Variants in CDH20 observed in about 807,000 individuals in gnomAD.
CDH20 encodes the protein cadherin 20, also known as cadherin-20.
In CDH20, 29 loss-of-function variants were observed where a neutral mutation model predicts 74.2. The observed-to-expected ratio is 0.39, with a 90% CI of 0.29 to 0.53. The LOEUF is 0.53. Ranked by LOEUF, CDH20 falls within the 20% of genes least tolerant of loss-of-function variation. The pLI is 0.69. For missense variants in CDH20, 988 were observed against 1,048.3 expected (o/e 0.94, Z 0.79); for synonymous variants, 469 against 405.4 (o/e 1.16, Z -1.88).
intron 11 of CDH20, among the ~76,000 whole-genome samples, chr18:61,552,905 C>T (rs1047331642): frequency 9.8e-5 from 15 of 152,312 alleles, no homozygotes; most frequent in African/African-American, 3.1e-4. Context: ...TTCAAGCCCA[C>T]GCTTCCTTAG....
rs112902363 is a variant in CDH20, at chr18:61,429,372, A to C, written c.-152-61030A>C. Among the ~76,000 whole-genome samples the C allele has an allele frequency of 1.8e-4, 27 of 152,276 alleles. 1 individual carries two copies. The highest frequency in any genetic ancestry group is 5.5e-4 in the African/African-American group (23 of 41,558). Reference sequence around the variant, plus strand: ...TTCTTAGAGTTGCATTTCCTCTCACAGTTGTTCCAACTTGACTAAAAGTTG... The same window carrying C: ...TTCTTAGAGTTGCATTTCCTCTCACCGTTGTTCCAACTTGACTAAAAGTTG... On this transcript the variant is annotated intron_variant, in intron 1 of 11. Coordinates refer to ENST00000262717, the MANE Select transcript of CDH20 (RefSeq NM_031891.4).
chr18:61,504,819 CAGG>C (rs976522741), intron 5 of CDH20, among the ~76,000 whole-genome samples: 17 of 152,148 alleles, frequency 1.1e-4, no homozygotes, highest in African/African-American at 3.6e-4. Context: ...TATGTAAACA[CAGG>C]AGATCTCAAA....
At chr18:61,366,815 T>C (rs890411552) in intron 1 of CDH20, among the ~76,000 whole-genome samples, 3 of 152,086 alleles carry the variant, frequency 2.0e-5, no homozygotes, top group Admixed American at 1.3e-4. Context: ...TGTAAAAAAA[T>C]CTCTTCCTGC....
chr18:61,424,143 C>T (rs1912986319), intron 1 of CDH20, among the ~76,000 whole-genome samples: 2 of 152,200 alleles, frequency 1.3e-5, no homozygotes, highest in Non-Finnish European at 2.9e-5. Flanking sequence ...TTGATACATG[C>T]ATATGATGTG....
chr18:61,373,199 AG>A (rs1911102764), intron 1 of CDH20, among the ~76,000 whole-genome samples: 1 of 151,954 alleles, frequency 6.6e-6, no homozygotes, highest in Non-Finnish European at 1.5e-5. Context: ...TGTAATTCTA[AG>A]GCAGGATTTT....
chr18:61,538,187 G>A (rs531907498), intron 8 of CDH20, among the ~76,000 whole-genome samples: 30 of 152,238 alleles, frequency 2.0e-4, no homozygotes, highest in Admixed American at 7.2e-4. Flanking sequence ...TGAATAACTC[G>A]AAACCTTTGC....
In CDH20 at chr18:61,438,301, G is replaced by A. The variant is rs190280101; in HGVS notation, c.-152-52101G>A. On this transcript the variant is annotated intron_variant, in intron 1 of 11. Transcript: ENST00000262717. ...TCTGGCATCATGTGTGCTTGGGTAT[G>A]TGGGTGGTGACAGGAAAAAGAGAGG... Among the ~76,000 whole-genome samples the A allele has an allele frequency of 6.0e-4, 92 of 152,280 alleles. No individual in the cohort carries two copies. The East Asian group carries it at 0.014, about 23-fold the overall frequency.
intron 6 of CDH20, among the ~76,000 whole-genome samples, chr18:61,521,154 T>C (rs1014614474): frequency 6.7e-6 from 1 of 150,020 alleles, no homozygotes; most frequent in African/African-American, 2.5e-5. Context: ...TTTGAAAAGA[T>C]TAACAAAATA....
chr18:61,414,120 G>A (rs1398418477), intron 1 of CDH20, among the ~76,000 whole-genome samples: 4 of 152,018 alleles, frequency 2.6e-5, no homozygotes, highest in Non-Finnish European at 5.9e-5. Flanking sequence ...TCCCTCCATC[G>A]TATTTTAGAA....
intron 10 of CDH20, among the ~76,000 whole-genome samples, chr18:61,547,836 T>C (rs1913305979): frequency 6.6e-6 from 1 of 152,120 alleles, no homozygotes; most frequent in Non-Finnish European, 1.5e-5. Context: ...GTGGCTACTA[T>C]ATGCCAGGCC....
chr18:61,393,310 A>C (rs1488763640), intron 1 of CDH20, among the ~76,000 whole-genome samples: 1 of 152,174 alleles, frequency 6.6e-6, no homozygotes, highest in African/African-American at 2.4e-5. Flanking sequence ...TAGGAAACTC[A>C]GAACAGACAT....
intron 1 of CDH20, among the ~76,000 whole-genome samples, chr18:61,397,898 AG>A (rs756115555): frequency 3.9e-5 from 6 of 152,244 alleles, no homozygotes; most frequent in Non-Finnish European, 8.8e-5. Flanking sequence ...TTTAGCACTT[AG>A]TATGATGCCT....
chr18:61,518,186 G>A lies in CDH20; in HGVS notation c.1018-9781G>A, dbSNP rs563788923. ...ACACCTGGGGGAAGGGGTGGCTGTG[G>A]GCACAGCTTCAGCAGACTTAAATGC... On this transcript the variant is annotated intron_variant, in intron 6 of 11. Transcript: ENST00000262717. Among the ~76,000 whole-genome samples, 204 of 152,250 alleles carry A rather than the reference G, an allele frequency of 1.3e-3. 2 individuals are homozygous for A. Among genetic ancestry groups the A allele is most frequent in the African/African-American group, 4.6e-3 (191 of 41,538 alleles).
At chr18:61,408,863 C>G (rs1193328175) in intron 1 of CDH20, among the ~76,000 whole-genome samples, 1 of 152,096 alleles carries the variant, frequency 6.6e-6, no homozygotes. Flanking sequence ...TACAGATTGT[C>G]TAATTTTAAC....
At chr18:61,475,679 T>C (rs1910349808) in intron 1 of CDH20, among the ~76,000 whole-genome samples, 1 of 152,178 alleles carries the variant, frequency 6.6e-6, no homozygotes, top group Non-Finnish European at 1.5e-5. Context: ...ACCTACTGTA[T>C]AATAGCATGT....
chr18:61,373,704 A>T (rs1911118126), intron 1 of CDH20, among the ~76,000 whole-genome samples: 1 of 151,854 alleles, frequency 6.6e-6, no homozygotes, highest in Non-Finnish European at 1.5e-5. Flanking sequence ...GCCCAAAACC[A>T]CTCATTTCCA....
intron 11 of CDH20, among the ~76,000 whole-genome samples, chr18:61,551,240 C>T (rs1191000444): frequency 6.6e-6 from 1 of 152,206 alleles, no homozygotes; most frequent in South Asian, 2.1e-4. Flanking sequence ...TATATCCTTG[C>T]TCTTCTTATT....
At chr18:61,344,596 CT>C (rs1377028753) in intron 1 of CDH20, among the ~76,000 whole-genome samples, 3 of 152,166 alleles carry the variant, frequency 2.0e-5, no homozygotes, top group Admixed American at 6.5e-5. Flanking sequence ...AAATTATTTG[CT>C]GCTTTCTGTT....
intron 8 of CDH20, 96 bp downstream of exon 8, chr18:61,536,725 C>A: frequency 1.9e-6 from 2 of 1,062,028 alleles, no homozygotes; most frequent in South Asian, 1.5e-5. Flanking sequence ...AAAATTATAT[C>A]CTTTAAGGGA....
Sources: allele counts gnomAD v4.1 joint callset (sites outside exome capture counted in the v4.1 genomes callset), GRCh38; gene constraint gnomAD v4.1.1; transcripts MANE v1.5; gene names NCBI Gene and HGNC (gene_info 2026-07-23, HGNC 2026-07-21).